Variants in CDKAL1 observed in about 807,000 individuals in gnomAD.
The protein encoded by CDKAL1 is threonylcarbamoyladenosine tRNA methylthiotransferase.
In CDKAL1, 32 loss-of-function variants were observed where a neutral mutation model predicts 68.2. The ratio of observed to expected loss-of-function variants is 0.47; its 90% CI spans 0.35 to 0.63. CDKAL1 has a LOEUF of 0.63. Among genes scored for constraint, CDKAL1 ranks in the 30% least tolerant of loss-of-function variants. CDKAL1 has a pLI of 0.00. For missense variants in CDKAL1, 606 were observed against 696.7 expected, an observed-to-expected ratio of 0.87 and a Z score of 1.47; for synonymous variants, 234 against 244.3, an observed-to-expected ratio of 0.96 and a Z score of 0.39.
intron 11 of CDKAL1, among the ~76,000 whole-genome samples, chr6:21,005,773 G>T (rs1206165507): frequency 6.6e-6 from 1 of 152,138 alleles, no homozygotes; most frequent in Non-Finnish European, 1.5e-5. Context: ...TTTTAGCACT[G>T]TGATATTTAT....
intron 5 of CDKAL1, among the ~76,000 whole-genome samples, chr6:20,710,584 T>G (rs1771800987): frequency 6.6e-6 from 1 of 152,200 alleles, no homozygotes; most frequent in Non-Finnish European, 1.5e-5. Flanking sequence ...TAGAACTGAC[T>G]TCCCTTTAAG....
At chr6:20,828,768 G>A (rs575646230) in intron 8 of CDKAL1, among the ~76,000 whole-genome samples, 1 of 152,204 alleles carries the variant, frequency 6.6e-6, no homozygotes, top group Admixed American at 6.5e-5. Context: ...GTACATTCGT[G>A]TTGTTGTACA....
intron 12 of CDKAL1, among the ~76,000 whole-genome samples, chr6:21,082,874 G>GTTT (rs71540612): frequency 2.2e-4 from 28 of 129,140 alleles, no homozygotes; most frequent in South Asian, 9.9e-4. Context: ...TGTTTCTTTT[G>GTTT]TTTTTTTTTT....
intron 13 of CDKAL1, among the ~76,000 whole-genome samples, chr6:21,146,850 CAAAAAAAAA>C (rs1194653980): frequency 2.6e-5 from 2 of 78,260 alleles, no homozygotes; most frequent in Non-Finnish European, 4.7e-5. Flanking sequence ...GACTCCGTCT[CAAAAAAAAA>C]AAAAAAAAAA....
At chr6:20,944,588 A>G (rs1383575500) in intron 9 of CDKAL1, among the ~76,000 whole-genome samples, 2 of 151,028 alleles carry the variant, frequency 1.3e-5, no homozygotes, top group African/African-American at 4.9e-5. Context: ...CAAGTGATCC[A>G]CCCGCCACAG....
chr6:21,134,431 T>C (rs1373745779), intron 13 of CDKAL1, among the ~76,000 whole-genome samples: 1 of 152,234 alleles, frequency 6.6e-6, no homozygotes, highest in African/African-American at 2.4e-5. Flanking sequence ...AAACACATTT[T>C]ATGTTTTATT....
At chr6:20,997,552 G>A (rs1309961932) in intron 10 of CDKAL1, among the ~76,000 whole-genome samples, 1 of 151,334 alleles carries the variant, frequency 6.6e-6, no homozygotes, top group African/African-American at 2.4e-5. Flanking sequence ...GGGGGGAGGG[G>A]GAAACCACTA....
chr6:20,863,199 C>T (rs899411419), intron 9 of CDKAL1, among the ~76,000 whole-genome samples: 2 of 152,138 alleles, frequency 1.3e-5, no homozygotes, highest in Admixed American at 1.3e-4. Flanking sequence ...GCATGGGTCC[C>T]ACTGAGTAGA....
At chr6:20,741,236 C>G (rs886891690) in intron 6 of CDKAL1, among the ~76,000 whole-genome samples, 2 of 151,690 alleles carry the variant, frequency 1.3e-5, no homozygotes, top group East Asian at 1.9e-4. Flanking sequence ...TTTTCAGGGC[C>G]GACACAAAGC....
intron 5 of CDKAL1, among the ~76,000 whole-genome samples, chr6:20,716,674 G>C (rs9368223): frequency 6.6e-6 from 1 of 151,680 alleles, no homozygotes; most frequent in Non-Finnish European, 1.5e-5. Context: ...TGTTTGTTTT[G>C]TTTGGGGTGG....
At chr6:20,842,746 G>A (rs752871875) in intron 8 of CDKAL1, among the ~76,000 whole-genome samples, 4 of 152,126 alleles carry the variant, frequency 2.6e-5, no homozygotes, top group African/African-American at 7.2e-5. Flanking sequence ...CAGGAGAATC[G>A]CTTGAACCCG....
At chr6:21,196,347 A>G (rs774264813) in intron 13 of CDKAL1, among the ~76,000 whole-genome samples, 3 of 152,218 alleles carry the variant, frequency 2.0e-5, no homozygotes, top group Non-Finnish European at 4.4e-5. Flanking sequence ...GTGATACCCA[A>G]TATTCACCAG....
At chr6:21,167,192 G>A (rs768029026) in intron 13 of CDKAL1, among the ~76,000 whole-genome samples, 7 of 152,142 alleles carry the variant, frequency 4.6e-5, no homozygotes, top group African/African-American at 9.7e-5. Context: ...ACAAATGTGC[G>A]CTTAGTTTCA....
chr6:21,037,566 A>G (rs1243874677), intron 11 of CDKAL1, among the ~76,000 whole-genome samples: 9 of 152,218 alleles, frequency 5.9e-5, no homozygotes, highest in Admixed American at 3.9e-4. Context: ...GAAATATTCT[A>G]TATCTGTGCT....
intron 4 of CDKAL1, among the ~76,000 whole-genome samples, chr6:20,622,460 A>G (rs1767236027): frequency 6.6e-6 from 1 of 152,104 alleles, no homozygotes; most frequent in African/African-American, 2.4e-5. Context: ...TTTTGGATGG[A>G]TATATTAGAC....
At chr6:20,747,018 C>A (rs1040002450) in intron 6 of CDKAL1, among the ~76,000 whole-genome samples, 1 of 152,080 alleles carries the variant, frequency 6.6e-6, no homozygotes, top group Non-Finnish European at 1.5e-5. Flanking sequence ...CCCCGGTAAT[C>A]CCCAGGCTAC....
intron 12 of CDKAL1, among the ~76,000 whole-genome samples, chr6:21,072,735 G>A (rs1469296876): frequency 1.4e-5 from 2 of 141,972 alleles, no homozygotes; most frequent in African/African-American, 2.7e-5. Context: ...GCAACATTAA[G>A]CAGAAAATAA....
chr6:21,070,374 TG>T (rs1371877403), intron 12 of CDKAL1, among the ~76,000 whole-genome samples: 10 of 145,918 alleles, frequency 6.9e-5, no homozygotes, highest in African/African-American at 2.3e-4. Flanking sequence ...TTGGTTTGTT[TG>T]GGCTTTTTTC....
intron 6 of CDKAL1, among the ~76,000 whole-genome samples, chr6:20,747,201 A>G (rs962918375): frequency 1.1e-4 from 16 of 152,168 alleles, no homozygotes. Flanking sequence ...ATAATATTCC[A>G]TTACTTAAAT....
Sources: gnomAD v4.1 joint callset for allele counts (sites outside exome capture counted in the v4.1 genomes callset) on GRCh38, gnomAD v4.1.1 for gene constraint, MANE v1.5 for transcripts, NCBI Gene and HGNC (gene_info 2026-07-23, HGNC 2026-07-21) for gene names.